Variants in HSPA4L observed in about 807,000 individuals in gnomAD.
HSPA4L encodes heat shock 70 kDa protein 4L.
Under a neutral mutation model 100.3 loss-of-function variants are expected in HSPA4L, and 48 were observed. The observed-to-expected ratio is 0.48, with a 90% CI of 0.38 to 0.61. The LOEUF is 0.61. HSPA4L is among the 20% of genes least tolerant of loss of function. HSPA4L has a pLI of 0.00. For missense variants in HSPA4L, 886 were observed against 988.6 expected (o/e 0.90, Z 1.39); for synonymous variants, 319 against 328.2 (o/e 0.97, Z 0.30).
In HSPA4L at chr4:127,832,575, GA is replaced by G. The variant is rs1453487171; in HGVS notation, c.2329-105del. ...TTGGCTATCTAGCTGAGCAAATTCAGAAAGGGGGAATTATGTGAAAATTTAG... is the reference window on the plus strand; with the variant it reads ...TTGGCTATCTAGCTGAGCAAATTCAGAAGGGGGAATTATGTGAAAATTTAG... On this transcript the variant is annotated intron_variant, in intron 18 of 18. Transcript: ENST00000296464. 5.1e-6 allele frequency: 5 copies of G among 981,968 alleles called. No homozygotes were observed. The Admixed American group carries it at 1.2e-4, about 24-fold the overall frequency. The allele number at this position is 981,968 out of a possible 1,614,324, so 60.8% of individuals were successfully genotyped here. A position where few individuals can be genotyped will look rare whatever the true frequency, so the allele number is the denominator to read the frequency against.
chr4:127,835,398 T>C lies in HSPA4L; in HGVS notation c.*2524T>C, dbSNP rs1033843123. On this transcript the variant is annotated 3_prime_UTR_variant, in exon 19 of 19. Transcript: ENST00000296464. ...GAAGTTTGTGATAATTCCTTAGCAG[T>C]AATGTAAAATTATTAAGTTTTGGCC... 2 of 152,158 alleles carry C rather than the reference T, an allele frequency of 1.3e-5. No individual in the cohort carries two copies. Among genetic ancestry groups the C allele is most frequent in the African/African-American group, 4.8e-5 (2 of 41,442 alleles). 9.4% of individuals were successfully genotyped at this position (152,158 alleles called of 1,614,324 possible).
chr4:127,805,019 T>C (rs1427387223), intron 8 of HSPA4L, 54 bp from the exon 9 acceptor site: 27 of 1,238,088 alleles, frequency 2.2e-5, no homozygotes, highest in Non-Finnish European at 3.1e-5. Flanking sequence ...CGACAAAGCC[T>C]TCTGTTGAGA....
intron 14 of HSPA4L, among the ~76,000 whole-genome samples, chr4:127,822,316 T>G (rs1291451116): frequency 6.6e-6 from 1 of 152,236 alleles, no homozygotes; most frequent in Admixed American, 6.5e-5. Flanking sequence ...GACTTCAAGA[T>G]TCCTTGTTTC....
chr4:127,829,373 CA>C (rs932698214), intron 17 of HSPA4L, among the ~76,000 whole-genome samples: 1 of 150,584 alleles, frequency 6.6e-6, no homozygotes, highest in Admixed American at 6.6e-5. Flanking sequence ...TTTTTGAGCA[CA>C]GGAGTAATAA....
Position 127,838,948 on chromosome 4 carries a change from C to T in HSPA4L, c.*6074C>T, listed in dbSNP as rs930840259. On this transcript the variant is annotated 3_prime_UTR_variant, in exon 19 of 19. Transcript: ENST00000296464. ...TCGTACTTGATAAGCTATGTTATTT[C>T]TTTGTGTAATTTAATAGTAGCATTC... The T allele has an allele frequency of 2.0e-5, 3 of 151,696 alleles. No individual in the cohort carries two copies. Among genetic ancestry groups the T allele is most frequent in the African/African-American group, 7.3e-5 (3 of 41,160 alleles). The allele number at this position is 151,696 out of a possible 1,614,324, so 9.4% of individuals were successfully genotyped here. A position where few individuals can be genotyped will look rare whatever the true frequency, so the allele number is the denominator to read the frequency against.
intron 6 of HSPA4L, among the ~76,000 whole-genome samples, chr4:127,803,249 G>GC (rs1211874744): frequency 6.6e-6 from 1 of 152,010 alleles, no homozygotes; most frequent in Non-Finnish European, 1.5e-5. Context: ...TTTCTTGGAT[G>GC]TTTTGCTCAT....
At chr4:127,822,712 A>G (rs1733843921) in intron 14 of HSPA4L, 57 bp from the exon 15 acceptor site, 25 of 1,562,154 alleles carry the variant, frequency 1.6e-5, no homozygotes, top group Non-Finnish European at 2.1e-5. Flanking sequence ...TGTGGTTTTG[A>G]TTTCTATTTC....
chr4:127,803,836 T>C lies in HSPA4L; in HGVS notation c.871T>C (p.Phe291Leu). 6.2e-7 allele frequency: 1 copy of C among 1,613,934 alleles called. No homozygotes were observed. Among genetic ancestry groups the C allele is most frequent in the Non-Finnish European group, 8.5e-7 (1 of 1,179,900 alleles). The change falls in exon 7 of 19, where the codon TTC becomes CTC. Residue 291 changes from phenylalanine to leucine, a missense_variant. Physicochemically the swap from Phe to Leu is conservative, Grantham distance 22. Coordinates refer to ENST00000296464, the MANE Select transcript of HSPA4L (RefSeq NM_014278.4). The stretch of plus-strand genomic sequence containing the variant: ...AGATCTTCCATTGAACATTGAGTGT[T>C]TCATGAATGACCTTGATGTTTCTAG... ...ASDLPLNIEC[F>L]MNDLDVSSKM...
chr4:127,818,532 G>T, intron 13 of HSPA4L, 112 bp downstream of exon 13: 1 of 558,218 alleles, frequency 1.8e-6, no homozygotes, highest in Non-Finnish European at 3.0e-6. Context: ...AATTGTGAGA[G>T]AATATAGAAA....
At chr4:127,830,565 G>A (rs1238104635) in intron 17 of HSPA4L, 73 bp from the exon 18 acceptor site, 1 of 1,233,452 alleles carries the variant, frequency 8.1e-7, no homozygotes, top group African/African-American at 1.6e-5. Flanking sequence ...AATTTTTAAA[G>A]TAGAAATTAC....
At chr4:127,783,297 T>C (rs1732618830) in intron 1 of HSPA4L, among the ~76,000 whole-genome samples, 1 of 151,910 alleles carries the variant, frequency 6.6e-6, no homozygotes, top group Non-Finnish European at 1.5e-5. Context: ...GGTGCATTGA[T>C]AGGGAGAGCC....
rs1426990549 is a variant in HSPA4L, at chr4:127,839,631, C to G, written c.*6757C>G. ...TTGCTTGAACCCGGGAGGTGGAGGTCGCAGTGAGCTGAGATCCTGCCACTG... is the reference window on the plus strand; with the variant it reads ...TTGCTTGAACCCGGGAGGTGGAGGTGGCAGTGAGCTGAGATCCTGCCACTG... On this transcript the variant is annotated 3_prime_UTR_variant, in exon 19 of 19. Coordinates refer to ENST00000296464, the MANE Select transcript of HSPA4L (RefSeq NM_014278.4). 1 of 150,538 alleles carries G rather than the reference C, an allele frequency of 6.6e-6. No homozygotes were observed. Among genetic ancestry groups the G allele is most frequent in the African/African-American group, 2.4e-5 (1 of 40,864 alleles). 9.3% of individuals were successfully genotyped at this position (150,538 alleles called of 1,614,324 possible). A position where few individuals can be genotyped will look rare whatever the true frequency, so the allele number is the denominator to read the frequency against.
intron 17 of HSPA4L, among the ~76,000 whole-genome samples, chr4:127,827,971 T>C (rs975570082): frequency 6.6e-6 from 1 of 152,170 alleles, no homozygotes; most frequent in African/African-American, 2.4e-5. Context: ...TCCATTTAGA[T>C]ATAACCGTAA....
intron 1 of HSPA4L, 117 bp from the exon 2 acceptor site, chr4:127,793,960 A>G (rs1732946734): frequency 1.7e-6 from 1 of 585,980 alleles, no homozygotes; most frequent in African/African-American, 1.9e-5. Context: ...ACCTATTTTT[A>G]AAATAATATA....
chr4:127,801,967 C>A, intron 6 of HSPA4L, 49 bp downstream of exon 6: 1 of 1,457,974 alleles, frequency 6.9e-7, no homozygotes. Context: ...AGAACACAGA[C>A]TAAAGAACCG....
intron 1 of HSPA4L, among the ~76,000 whole-genome samples, chr4:127,784,185 A>G (rs146545461): frequency 9.1e-4 from 138 of 152,360 alleles, no homozygotes; most frequent in Non-Finnish European, 1.7e-3. Flanking sequence ...TAAAAATGGG[A>G]GCAATCTTTG....
chr4:127,826,384 A>G (rs1424251785), intron 16 of HSPA4L, among the ~76,000 whole-genome samples: 1 of 152,176 alleles, frequency 6.6e-6, no homozygotes, highest in African/African-American at 2.4e-5. Context: ...GTGACAGAGC[A>G]AGACCCTGTC....
At chr4:127,806,059 T>G (rs1472700065) in intron 10 of HSPA4L, among the ~76,000 whole-genome samples, 1 of 152,016 alleles carries the variant, frequency 6.6e-6, no homozygotes, top group Non-Finnish European at 1.5e-5. Flanking sequence ...ATTTGTCATA[T>G]TCTCTCTTAG....
chr4:127,820,958 T>A (rs1560668112), intron 14 of HSPA4L, among the ~76,000 whole-genome samples: 1 of 152,150 alleles, frequency 6.6e-6, no homozygotes, highest in East Asian at 1.9e-4. Context: ...AATATTTTTT[T>A]AAAAAATCTT....
Sources: gnomAD v4.1 joint callset for allele counts (sites outside exome capture counted in the v4.1 genomes callset) on GRCh38, gnomAD v4.1.1 for gene constraint, MANE v1.5 for transcripts, NCBI Gene and HGNC (gene_info 2026-07-23, HGNC 2026-07-21) for gene names.